The following USP40 variants were observed in gnomAD, a reference collection of about 807,000 sequenced individuals.
USP40 encodes the protein ubiquitin carboxyl-terminal hydrolase 40.
Under a neutral mutation model 166.2 loss-of-function variants are expected in USP40, and 143 were observed. That is an observed-to-expected ratio of 0.86 (90% CI 0.75 to 0.99). The LOEUF is 0.99. USP40 is among the 50% of genes least tolerant of loss of function. The pLI is 0.00. For missense variants in USP40, 1,444 were observed against 1,479.7 expected (o/e 0.98, Z 0.40); for synonymous variants, 498 against 524.0 (o/e 0.95, Z 0.68).
intron 21 of USP40, among the ~76,000 whole-genome samples, chr2:233,509,039 T>C (rs760497237): frequency 2.0e-5 from 3 of 152,196 alleles, no homozygotes; most frequent in Non-Finnish European, 2.9e-5. Flanking sequence ...GACCTAGATA[T>C]ATAACCAGCC....
intron 30 of USP40, among the ~76,000 whole-genome samples, chr2:233,484,531 C>T (rs772440717): frequency 6.0e-5 from 9 of 150,354 alleles, no homozygotes; most frequent in Non-Finnish European, 8.8e-5. Context: ...GGCTGCAGTG[C>T]AGTGGCACGA....
In USP40 at chr2:233,486,108, C is replaced by A. The variant is rs1278260910; in HGVS notation, c.3198-131G>T. 5 of 1,002,346 alleles carry A rather than the reference C, an allele frequency of 5.0e-6. No individual in the cohort carries two copies. The highest frequency in any genetic ancestry group is 1.7e-5 in the African/African-American group (1 of 59,546). 62.1% of individuals were successfully genotyped at this position (1,002,346 alleles called of 1,614,324 possible). A position where few individuals can be genotyped will look rare whatever the true frequency, so the allele number is the denominator to read the frequency against. The stretch of plus-strand genomic sequence containing the variant: ...ATAAGGAGAGATTTTTCCCTAAATG[C>A]TGGATGCTAGTGGCAAACTCTTATT... On this transcript the variant is annotated intron_variant, in intron 28 of 31. Transcript: ENST00000678225. The surrounding 1 kb of genome is among the most constrained non-coding windows in gnomAD (Gnocchi z 4.0).
At chr2:233,538,287 AATTAT>A (rs1170989929) in intron 10 of USP40, among the ~76,000 whole-genome samples, 8 of 152,180 alleles carry the variant, frequency 5.3e-5, no homozygotes, top group African/African-American at 1.9e-4. Context: ...CAGCCATATC[AATTAT>A]ATTAATGTAA....
intron 16 of USP40, among the ~76,000 whole-genome samples, chr2:233,521,575 T>G (rs2067661120): frequency 6.6e-6 from 1 of 152,090 alleles, no homozygotes; most frequent in Non-Finnish European, 1.5e-5. Context: ...CTACATAGAG[T>G]TTTGTTTTAT....
chr2:233,522,012 C>T (rs2067691520), intron 16 of USP40, among the ~76,000 whole-genome samples: 1 of 152,160 alleles, frequency 6.6e-6, no homozygotes, highest in African/African-American at 2.4e-5. Context: ...GAAGACTGAG[C>T]AGAGAAAGAC....
chr2:233,479,803 G>A (rs966288655), intron 31 of USP40, among the ~76,000 whole-genome samples: 38 of 152,018 alleles, frequency 2.5e-4, no homozygotes, highest in African/African-American at 8.9e-4. Flanking sequence ...TGCTATCCTG[G>A]GGCTCCCGGG....
intron 18 of USP40, among the ~76,000 whole-genome samples, chr2:233,515,092 C>T (rs376313691): frequency 4.6e-5 from 7 of 152,202 alleles, no homozygotes; most frequent in African/African-American, 1.7e-4. Context: ...CTAGCAGTGC[C>T]TTGCTCTTCA....
intron 4 of USP40, among the ~76,000 whole-genome samples, chr2:233,558,225 A>G (rs2071272684): frequency 6.6e-6 from 1 of 152,046 alleles, no homozygotes; most frequent in Non-Finnish European, 1.5e-5. Context: ...TTCTCCTACC[A>G]CTGCAGGTCC....
intron 4 of USP40, among the ~76,000 whole-genome samples, chr2:233,557,836 T>C (rs945412528): frequency 1.3e-5 from 2 of 151,860 alleles, no homozygotes; most frequent in African/African-American, 4.8e-5. Flanking sequence ...GCAGAGGCAA[T>C]AAGGGAAGAC....
chr2:233,510,392 CTTTTTTTTTTTTTTT>C (rs1158427662), intron 20 of USP40, among the ~76,000 whole-genome samples: 5 of 68,692 alleles, frequency 7.3e-5, no homozygotes, highest in Non-Finnish European at 1.1e-4. Flanking sequence ...CTTTTTCTTT[CTTTTTTTTTTTTTTT>C]TTTTTTTTTT....
intron 11 of USP40, among the ~76,000 whole-genome samples, chr2:233,531,633 C>G (rs752589460): frequency 2.0e-5 from 3 of 152,124 alleles, no homozygotes; most frequent in Non-Finnish European, 4.4e-5. Flanking sequence ...AAATACAAAG[C>G]CTTTTTCATT....
At chr2:233,498,822 A>T (rs2065892053) in intron 22 of USP40, among the ~76,000 whole-genome samples, 1 of 152,228 alleles carries the variant, frequency 6.6e-6, no homozygotes, top group African/African-American at 2.4e-5. Flanking sequence ...ACATGATCTC[A>T]CCTGGAAAGT....
In USP40 at chr2:233,476,911, C is replaced by T. The variant is rs1028359326; in HGVS notation, c.*481G>A. The T allele has an allele frequency of 1.0e-4, 22 of 217,822 alleles. No individual in the cohort carries two copies. Among genetic ancestry groups the T allele is most frequent in the African/African-American group, 4.0e-4 (17 of 42,608 alleles). 13.5% of individuals were successfully genotyped at this position (217,822 alleles called of 1,614,324 possible). On this transcript the variant is annotated 3_prime_UTR_variant, in exon 32 of 32. Coordinates refer to ENST00000678225, the MANE Select transcript of USP40 (RefSeq NM_001365479.2). ...CCTGAAAGCAGACCCCACTTCTGCC[C>T]GCTTCTGCTCAGCACCAGCGCGGTG...
intron 8 of USP40, chr2:233,546,780 A>C (rs1460262002): frequency 6.6e-6 from 1 of 152,200 alleles, no homozygotes; most frequent in African/African-American, 2.4e-5. Context: ...AGATAAGGGG[A>C]GTTTAAGGCG....
rs765905164 is a variant in USP40, at chr2:233,527,560, T to C, written c.1572A>G (p.Ala524=). The change falls in exon 13 of 32, where the codon GCA becomes GCG. Residue 524 remains alanine, a synonymous_variant. Coordinates refer to ENST00000678225, the MANE Select transcript of USP40 (RefSeq NM_001365479.2). ...GAAGATGCAATTCAAAAGTATTGTT[T>C]GCAGAATCACATTCTGCCCTTTAAA... The part of the protein sequence containing the change: ...LQTKRAECDS[A]NNTFELHLHL... The C allele has an allele frequency of 1.2e-6, 2 of 1,610,226 alleles. No homozygotes were observed. Among genetic ancestry groups the C allele is most frequent in the Non-Finnish European group, 1.7e-6 (2 of 1,178,724 alleles).
chr2:233,551,202 G>A (rs1241173141), intron 7 of USP40, among the ~76,000 whole-genome samples, 174 bp downstream of exon 7: 1 of 152,194 alleles, frequency 6.6e-6, no homozygotes, highest in African/African-American at 2.4e-5. Context: ...CAGGGATGCT[G>A]CTAAACACCC....
intron 21 of USP40, among the ~76,000 whole-genome samples, chr2:233,505,660 G>A (rs796564697): frequency 1.3e-5 from 2 of 152,214 alleles, no homozygotes; most frequent in African/African-American, 4.8e-5. Flanking sequence ...GCCAACAAGT[G>A]AGAAAATGCT....
rs1471875175 is a variant in USP40, at chr2:233,519,412, G to A, written c.2383+202C>T. 1.9e-5 allele frequency: 9 copies of A among 473,880 alleles called. No homozygotes were observed. The East Asian group carries it at 2.9e-4, about 15-fold the overall frequency. The allele number at this position is 473,880 out of a possible 1,614,324, so 29.4% of individuals were successfully genotyped here. A position where few individuals can be genotyped will look rare whatever the true frequency, so the allele number is the denominator to read the frequency against. ...GAAGGAGAGAAAGAATAGGTCTGAG[G>A]AGGAGAACACAGGGGACTTTAACTT... is the stretch of plus-strand genomic sequence containing the variant. On this transcript the variant is annotated intron_variant, in intron 18 of 31. Transcript: ENST00000678225.
At chr2:233,508,009 T>C (rs2125140205) in intron 21 of USP40, among the ~76,000 whole-genome samples, 1 of 152,262 alleles carries the variant, frequency 6.6e-6, no homozygotes, top group Admixed American at 6.5e-5. Flanking sequence ...ATTTTGGATT[T>C]TGGATTTTGG....
Sources: gnomAD v4.1 joint callset for allele counts (sites outside exome capture counted in the v4.1 genomes callset) on GRCh38, gnomAD v4.1.1 for gene constraint, Gnocchi (gnomAD v3.1) non-coding constraint, MANE v1.5 for transcripts, NCBI Gene and HGNC (gene_info 2026-07-23, HGNC 2026-07-21) for gene names.